Variants in ARSD observed in about 807,000 individuals in gnomAD.
ARSD encodes testis tissue sperm-binding protein Li 39a.
Under a neutral mutation model 32.6 loss-of-function variants are expected in ARSD, and 21 were observed. The observed-to-expected ratio is 0.64, with a 90% CI of 0.46 to 0.93. ARSD has a LOEUF of 0.93. ARSD is among the 40% of genes least tolerant of loss of function. The probability of loss-of-function intolerance (pLI) is 0.00; values close to 1 mark genes in which losing one functional copy is unlikely to be tolerated. For synonymous variants in ARSD, 224 were observed against 237.4 expected (o/e 0.94, Z 0.52); for missense variants, 454 against 520.9 (o/e 0.87, Z 1.25).
chrX:2,929,168 C>G lies in ARSD; in HGVS notation c.44+64G>C, dbSNP rs773835019. The G allele has an allele frequency of 1.1e-5, 11 of 974,062 alleles. No homozygotes were observed. The East Asian group carries it at 3.3e-4, about 30-fold the overall frequency. 80.3% of individuals were successfully genotyped at this position (974,062 alleles called of 1,213,427 possible). A position where few individuals can be genotyped will look rare whatever the true frequency, so the allele number is the denominator to read the frequency against. ...CCCGGGGCGCCCCTCGCCGTGCTCG[C>G]GACCCCCTCCCCAGGCCCCCACCCT... On this transcript the variant is annotated intron_variant, in intron 1 of 9. Coordinates refer to ENST00000381154, the MANE Select transcript of ARSD (RefSeq NM_001669.4).
chrX:2,912,593 C>G (rs5939397), intron 6 of ARSD, among the ~76,000 whole-genome samples: 7,159 of 111,078 alleles, frequency 0.064, 356 homozygotes, highest in East Asian at 0.44. Context: ...TCGGTCGACC[C>G]CAAGATACCA....
chrX:2,921,327 CATT>C (rs753447873), intron 3 of ARSD, among the ~76,000 whole-genome samples: 6 of 111,969 alleles, frequency 5.4e-5, no homozygotes, highest in South Asian at 3.8e-4. Flanking sequence ...AATCAGCTAT[CATT>C]ATCTATCATC....
rs1360017020 is a variant in ARSD at position 2,915,577 on chromosome X, C to G, written c.979G>C (p.Glu327Gln). The part of the protein sequence containing the change: ...SQHGLYGDNV[E>Q]EMDWLIGKVL... ...TTACCTATGAGCCAGTCCATCTCCT[C>G]CACATTATCACCATATAAGCCATGC... The change falls in exon 6 of 10, where the codon GAG (glutamate) becomes CAG (glutamine). Residue 327 changes from glutamate (E) to glutamine (Q), a missense_variant. Transcript: ENST00000381154. 1 of 1,210,079 alleles carries G rather than the reference C, an allele frequency of 8.3e-7. No homozygotes were observed. Among genetic ancestry groups the G allele is most frequent in the Non-Finnish European group, 1.1e-6 (1 of 895,113 alleles).
chrX:2,909,871 A>G lies in ARSD; in HGVS notation c.1244T>C (p.Met415Thr), dbSNP rs2147307715. 8.3e-7 allele frequency: 1 copy of G among 1,210,624 alleles called. No homozygotes were observed. Among genetic ancestry groups the G allele is most frequent in the Non-Finnish European group, 1.1e-6 (1 of 895,190 alleles). ...GRVIGEPTSL[M>T]DVFPTVVQLV... The stretch of plus-strand genomic sequence containing the variant: ...CTGGACCACAGTAGGGAACACGTCC[A>G]TCAGGCTCGTGGGCTCTCCAATCAC... Residue 415 changes from methionine to threonine, a missense_variant, in exon 8 of 10, where the codon ATG becomes ACG. By Grantham distance (81) the Met-to-Thr change is moderately conservative. This residue lies in a region of ARSD where 179 missense variants were observed against 198.5 expected (regional missense o/e 0.90). Transcript: ENST00000381154.
intron 6 of ARSD, chrX:2,914,424 G>GT (rs2088933098): frequency 2.0e-6 from 1 of 506,269 alleles, no homozygotes; most frequent in African/African-American, 2.6e-5. Context: ...GAGATGGGGG[G>GT]GGGGGGCGTC....
At chrX:2,928,447 G>C (rs2089110393) in intron 1 of ARSD, among the ~76,000 whole-genome samples, 1 of 86,483 alleles carries the variant, frequency 1.2e-5, no homozygotes, top group Non-Finnish European at 2.3e-5. Flanking sequence ...GACGGGGCGC[G>C]TCTTAGTGGG....
intron 6 of ARSD, chrX:2,913,846 T>C (rs1229647348): frequency 3.4e-6 from 2 of 588,183 alleles, no homozygotes; most frequent in Non-Finnish European, 4.5e-6. Flanking sequence ...AGAGTTCTCA[T>C]GAATGGTTGA....
At chrX:2,928,292 A>T (rs940174050) in intron 1 of ARSD, among the ~76,000 whole-genome samples, 12 of 76,902 alleles carry the variant, frequency 1.6e-4, no homozygotes, top group African/African-American at 6.0e-4. Flanking sequence ...GACGGGACAG[A>T]GAAGTCTTGG....
At chrX:2,924,214 C>T (rs1157968772) in intron 2 of ARSD, among the ~76,000 whole-genome samples, 1 of 113,070 alleles carries the variant, frequency 8.8e-6, no homozygotes, top group Non-Finnish European at 1.9e-5. Flanking sequence ...TTGTATGTTT[C>T]ATAGAGACAG....
At position 2,907,472 on chromosome X, in the gene ARSD, C is replaced by T; in HGVS notation, c.1581G>A (p.Arg527=). Residue 527 remains arginine (R), a synonymous_variant, in exon 10 of 10, where the codon CGG becomes CGA. Coordinates refer to ENST00000381154, the MANE Select transcript of ARSD (RefSeq NM_001669.4). ...FDLSRDPSEA[R]PLTPDSEPLY... The stretch of plus-strand genomic sequence containing the variant: ...GGGGCTCGGAGTCGGGGGTCAGGGG[C>T]CGTGCCTCGGAGGGGTCCCTGGAGA... The T allele has an allele frequency of 8.3e-7, 1 of 1,208,609 alleles. No homozygotes were observed. The highest frequency in any genetic ancestry group is 1.1e-6 in the Non-Finnish European group (1 of 893,927).
intron 4 of ARSD, among the ~76,000 whole-genome samples, chrX:2,918,613 G>T (rs895824087): frequency 9.0e-6 from 1 of 111,109 alleles, no homozygotes; most frequent in African/African-American, 3.3e-5. Context: ...GGTGGCGGGC[G>T]CCTGTAGTCC....
intron 9 of ARSD, chrX:2,908,037 T>C: frequency 1.6e-6 from 1 of 634,269 alleles, no homozygotes; most frequent in Non-Finnish European, 1.9e-6. Flanking sequence ...TACTTATCTA[T>C]CTATCGCTAC....
At chrX:2,910,890 G>A in intron 6 of ARSD, 97 bp from the exon 7 acceptor site, 1 of 1,027,169 alleles carries the variant, frequency 9.7e-7, no homozygotes, top group South Asian at 2.2e-5. Flanking sequence ...CCTCTTGCCA[G>A]GAAGTCATAA....
Position 2,908,801 on chromosome X carries a change from G to C in ARSD, c.1340C>G (p.Ala447Gly). Reference protein sequence around the residue: ...GHSLVPLLQGAEARSAHEFLF... With the variant: ...GHSLVPLLQGGEARSAHEFLF... ...GAACTCATGTGCCGAGCGTGCCTCA[G>C]CTCCCTGCAGCAAGGGTACCAGGCT... Residue 447 changes from alanine to glycine, a missense_variant, in exon 9 of 10, where the codon GCT becomes GGT. By Grantham distance (60) the Ala-to-Gly change is moderately conservative (BLOSUM62 0). Around this residue, in one of 3 missense-constraint regions of ARSD, gnomAD observed 179 missense variants for 198.5 expected, o/e 0.90. Coordinates refer to ENST00000381154, the MANE Select transcript of ARSD (RefSeq NM_001669.4). The C allele has an allele frequency of 2.5e-6, 3 of 1,210,866 alleles. No homozygotes were observed. Among genetic ancestry groups the C allele is most frequent in the Non-Finnish European group, 3.4e-6 (3 of 895,144 alleles).
intron 6 of ARSD, among the ~76,000 whole-genome samples, chrX:2,912,362 G>GC (rs1032426420): frequency 1.8e-5 from 2 of 110,783 alleles, no homozygotes; most frequent in African/African-American, 3.3e-5. Context: ...TGACCTGGAA[G>GC]CCCCCCTTTC....
chrX:2,906,271 G>C lies in ARSD; in HGVS notation c.*1000C>G, dbSNP rs1313510649. The C allele has an allele frequency of 9.1e-6, 1 of 110,034 alleles. No individual in the cohort carries two copies. The highest frequency in any genetic ancestry group is 3.3e-5 in the African/African-American group (1 of 30,081). The allele number at this position is 110,034 out of a possible 1,213,427, so 9.1% of individuals were successfully genotyped here. A position where few individuals can be genotyped will look rare whatever the true frequency, so the allele number is the denominator to read the frequency against. ...TCCCGCCTCAGCCTCCTAAGTAGCTGAGACTACAGCTGTGCGCCACGACAT... is the reference window on the plus strand; with the variant it reads ...TCCCGCCTCAGCCTCCTAAGTAGCTCAGACTACAGCTGTGCGCCACGACAT... On this transcript the variant is annotated 3_prime_UTR_variant, in exon 10 of 10. Transcript: ENST00000381154.
chrX:2,918,507 T>C (rs1323402809), intron 4 of ARSD, among the ~76,000 whole-genome samples: 2 of 111,666 alleles, frequency 1.8e-5, no homozygotes, highest in African/African-American at 6.5e-5. Flanking sequence ...TCCCAGCCCT[T>C]TGGGAGGCCG....
At chrX:2,920,935 A>G (rs112780797) in intron 3 of ARSD, among the ~76,000 whole-genome samples, 22 of 111,353 alleles carry the variant, frequency 2.0e-4, no homozygotes, top group African/African-American at 6.2e-4. Flanking sequence ...CTACCTACCG[A>G]CCTATCACAC....
At chrX:2,915,754 C>T in intron 5 of ARSD, 62 bp from the exon 6 acceptor site, 1 of 1,094,340 alleles carries the variant, frequency 9.1e-7, no homozygotes, top group East Asian at 3.1e-5. Flanking sequence ...GGGACCCCTG[C>T]ACCCATACGT....
Sources: gnomAD v4.1 joint callset for allele counts (sites outside exome capture counted in the v4.1 genomes callset) on GRCh38, gnomAD v4.1.1 for gene constraint, gnomAD v4.1.1 regional missense constraint, MANE v1.5 for transcripts, NCBI Gene and HGNC (gene_info 2026-07-23, HGNC 2026-07-21) for gene names.